UBASH3B: variants seen among roughly 807,000 people sequenced by gnomAD.
UBASH3B encodes the protein ubiquitin associated and SH3 domain containing B.
A neutral mutation model predicts 83.4 loss-of-function variants in UBASH3B; 37 were observed. That is an observed-to-expected ratio of 0.44 (90% CI 0.34 to 0.58). The LOEUF is 0.58. Ranked by LOEUF, UBASH3B falls within the 20% of genes least tolerant of loss-of-function variation. The pLI is 0.01. For synonymous variants in UBASH3B, 304 were observed against 318.3 expected (o/e 0.96, Z 0.48); for missense variants, 657 against 827.2 (o/e 0.79, Z 2.52).
At chr11:122,761,755 A>G (rs1361144417) in intron 1 of UBASH3B, among the ~76,000 whole-genome samples, 1 of 98,006 alleles carries the variant, frequency 1.0e-5, no homozygotes, top group African/African-American at 3.9e-5. Flanking sequence ...ATCACTCTTC[A>G]TTTTCATCTG....
At chr11:122,781,553 A>C (rs1393760784) in intron 4 of UBASH3B, among the ~76,000 whole-genome samples, 1 of 152,224 alleles carries the variant, frequency 6.6e-6, no homozygotes, top group African/African-American at 2.4e-5. Context: ...TCCTGCTGTC[A>C]TGAAGAACTT....
chr11:122,781,109 A>G (rs977271564), intron 4 of UBASH3B, among the ~76,000 whole-genome samples: 1 of 152,030 alleles, frequency 6.6e-6, no homozygotes, highest in Non-Finnish European at 1.5e-5. Flanking sequence ...TCTCGGAAGG[A>G]ACACAAGGAC....
At chr11:122,674,394 T>C (rs75087812) in intron 1 of UBASH3B, among the ~76,000 whole-genome samples, 1 of 151,400 alleles carries the variant, frequency 6.6e-6, no homozygotes, top group Admixed American at 6.6e-5. Context: ...TTTTTTTTTT[T>C]TTTTGAGACG....
chr11:122,795,752 C>T (rs1329843521), intron 7 of UBASH3B, among the ~76,000 whole-genome samples: 1 of 152,162 alleles, frequency 6.6e-6, no homozygotes, highest in East Asian at 1.9e-4. Context: ...TCACAGAAGT[C>T]CTCACTCCCT....
chr11:122,776,423 G>T, intron 2 of UBASH3B, 151 bp downstream of exon 2: 5 of 664,964 alleles, frequency 7.5e-6, no homozygotes, highest in Non-Finnish European at 1.2e-5. Context: ...CAAGTCAATT[G>T]CCTCCTCTGC....
At chr11:122,657,181 G>A (rs1251893969) in intron 1 of UBASH3B, among the ~76,000 whole-genome samples, 1 of 152,226 alleles carries the variant, frequency 6.6e-6, no homozygotes, top group Non-Finnish European at 1.5e-5. Flanking sequence ...TTTCATCTTT[G>A]AATTACAGCA....
At chr11:122,728,214 C>T (rs771512544) in intron 1 of UBASH3B, among the ~76,000 whole-genome samples, 2 of 152,128 alleles carry the variant, frequency 1.3e-5, no homozygotes, top group African/African-American at 2.4e-5. Context: ...GATGCAGAGT[C>T]GTTGAGTTTA....
chr11:122,812,152 T>C lies in UBASH3B; in HGVS notation c.*2266T>C, dbSNP rs1861459730. The C allele has an allele frequency of 6.6e-6, 1 of 152,258 alleles. No individual in the cohort carries two copies. The highest frequency in any genetic ancestry group is 1.5e-5 in the Non-Finnish European group (1 of 68,042). 9.4% of individuals were successfully genotyped at this position (152,258 alleles called of 1,614,324 possible). On this transcript the variant is annotated 3_prime_UTR_variant, in exon 14 of 14. Transcript: ENST00000284273. ...ATGGACACTGCCTTAGGCAATGGTC[T>C]ATATAAGCAAAAGGAGATAGAGATC...
chr11:122,762,401 C>A (rs1455599329), intron 1 of UBASH3B, among the ~76,000 whole-genome samples: 1 of 152,184 alleles, frequency 6.6e-6, no homozygotes, highest in East Asian at 1.9e-4. Context: ...AAGAAGGCAG[C>A]CCTGGCCAGC....
chr11:122,789,324 G>A lies in UBASH3B; in HGVS notation c.980+16G>A. ...TATTTCATGGGTAAGCAGACACAAA[G>A]ACCTTTATGCCATTTGAAGAATGTT... is the stretch of plus-strand genomic sequence containing the variant. On this transcript the variant is annotated intron_variant, in intron 6 of 13. Coordinates refer to ENST00000284273, the MANE Select transcript of UBASH3B (RefSeq NM_032873.5). 6.2e-7 allele frequency: 1 copy of A among 1,613,810 alleles called. No homozygotes were observed. The highest frequency in any genetic ancestry group is 8.5e-7 in the Non-Finnish European group (1 of 1,179,748).
At chr11:122,786,391 T>A (rs922757291) in intron 5 of UBASH3B, among the ~76,000 whole-genome samples, 62 of 147,338 alleles carry the variant, frequency 4.2e-4, no homozygotes, top group African/African-American at 1.5e-3. Context: ...GCACAGTGGC[T>A]CACGCCTGTA....
chr11:122,776,974 C>T lies in UBASH3B; in HGVS notation c.216-50C>T, dbSNP rs370039956. On this transcript the variant is annotated intron_variant, in intron 2 of 13. Transcript: ENST00000284273. ...GATCTGTCTCTCAGTTCTTTTTTCC[C>T]CTCCCATTATTCTCAAGCGACACCT... 9.4e-6 allele frequency: 14 copies of T among 1,495,180 alleles called. No individual in the cohort carries two copies. The South Asian group carries it at 1.3e-4, about 14-fold the overall frequency. 92.6% of individuals were successfully genotyped at this position (1,495,180 alleles called of 1,614,324 possible).
intron 1 of UBASH3B, among the ~76,000 whole-genome samples, chr11:122,720,834 A>G (rs1565540804): frequency 6.6e-6 from 1 of 152,034 alleles, no homozygotes; most frequent in Admixed American, 6.6e-5. Context: ...AACGCTTACT[A>G]TAACTGTCCT....
intron 1 of UBASH3B, among the ~76,000 whole-genome samples, chr11:122,671,232 G>C (rs1863589266): frequency 6.6e-6 from 1 of 152,028 alleles, no homozygotes; most frequent in Non-Finnish European, 1.5e-5. Flanking sequence ...GCCTTGTCAA[G>C]AAAAATCCAT....
At chr11:122,665,454 C>T (rs1863503512) in intron 1 of UBASH3B, among the ~76,000 whole-genome samples, 1 of 151,966 alleles carries the variant, frequency 6.6e-6, no homozygotes, top group Admixed American at 6.6e-5. Flanking sequence ...CAGCCTCCCA[C>T]AAGTGCTGGG....
intron 1 of UBASH3B, among the ~76,000 whole-genome samples, chr11:122,774,986 C>G (rs1860708748): frequency 6.6e-6 from 1 of 152,114 alleles, no homozygotes; most frequent in Non-Finnish European, 1.5e-5. Context: ...CTTATGTCCC[C>G]TATGCTTTCC....
intron 1 of UBASH3B, among the ~76,000 whole-genome samples, chr11:122,753,883 A>G (rs1473705581): frequency 6.6e-6 from 1 of 152,142 alleles, no homozygotes; most frequent in Non-Finnish European, 1.5e-5. Context: ...TCCCTGCCCT[A>G]TCTAAACTGT....
At chr11:122,761,330 C>T (rs960554465) in intron 1 of UBASH3B, among the ~76,000 whole-genome samples, 4 of 152,140 alleles carry the variant, frequency 2.6e-5, no homozygotes, top group Admixed American at 6.5e-5. Flanking sequence ...AAATAGCCTG[C>T]CATGGTGGCA....
chr11:122,690,208 A>C (rs868624705), intron 1 of UBASH3B, among the ~76,000 whole-genome samples: 3 of 27,224 alleles, frequency 1.1e-4, no homozygotes, highest in Non-Finnish European at 2.2e-4. Context: ...ATATATATAT[A>C]TCCAATTATA....
Sources: allele counts gnomAD v4.1 joint callset (sites outside exome capture counted in the v4.1 genomes callset), GRCh38; gene constraint gnomAD v4.1.1; transcripts MANE v1.5; gene names NCBI Gene and HGNC (gene_info 2026-07-23, HGNC 2026-07-21).